LINGO2: variants seen among roughly 807,000 people sequenced by gnomAD.
LINGO2 encodes leucine rich repeat and Ig domain containing 2.
LINGO2 carries 14 observed loss-of-function variants against 30.6 expected under a neutral mutation model. The ratio of observed to expected loss-of-function variants is 0.46; its 90% CI spans 0.30 to 0.72. The LOEUF is 0.72. Ranked by LOEUF, LINGO2 falls within the 30% of genes least tolerant of loss-of-function variation. The pLI is 0.07. For missense variants in LINGO2, 729 were observed against 751.7 expected (o/e 0.97, Z 0.35); for synonymous variants, 317 against 288.5 (o/e 1.10, Z -1.00).
chr9:28,727,359 C>T, the LINGO2 span, among the ~76,000 whole-genome samples: 6 of 151,970 alleles, frequency 3.9e-5, no homozygotes, highest in Non-Finnish European at 7.4e-5. Flanking sequence ...GATCTCAGCT[C>T]ACTGCAAGCT....
the LINGO2 span, among the ~76,000 whole-genome samples, chr9:29,074,915 A>T: frequency 6.6e-6 from 1 of 151,556 alleles, no homozygotes; most frequent in Non-Finnish European, 1.5e-5. Flanking sequence ...TGACCTCGTG[A>T]TCCGCCCGCC....
At chr9:28,322,295 A>G (rs1176977552) in intron 3 of LINGO2, among the ~76,000 whole-genome samples, 1 of 152,152 alleles carries the variant, frequency 6.6e-6, no homozygotes, top group Non-Finnish European at 1.5e-5. Flanking sequence ...CCAAGCTAAA[A>G]TTAATCAATG....
intron 1 of LINGO2, among the ~76,000 whole-genome samples, chr9:28,593,915 G>A (rs1825049196): frequency 6.6e-6 from 1 of 151,954 alleles, no homozygotes; most frequent in Admixed American, 6.6e-5. Flanking sequence ...TTAAATTGTA[G>A]GAGAATATGA....
intron 4 of LINGO2, among the ~76,000 whole-genome samples, chr9:28,100,622 C>T (rs1826386312): frequency 6.6e-6 from 1 of 152,098 alleles, no homozygotes; most frequent in South Asian, 2.1e-4. Context: ...ACTATCCAGG[C>T]TTGTTTGTGG....
chr9:28,204,971 C>A (rs747299801), intron 4 of LINGO2, among the ~76,000 whole-genome samples: 16 of 152,086 alleles, frequency 1.1e-4, no homozygotes, highest in Non-Finnish European at 2.2e-4. Context: ...TTGGCCTCTG[C>A]CTAATTTTGT....
At chr9:28,221,426 T>C (rs1209921421) in intron 4 of LINGO2, among the ~76,000 whole-genome samples, 1 of 151,674 alleles carries the variant, frequency 6.6e-6, no homozygotes, top group Non-Finnish European at 1.5e-5. Context: ...GTATGTATAC[T>C]TCAAATCATC....
the LINGO2 span, among the ~76,000 whole-genome samples, chr9:28,791,960 A>C: frequency 6.6e-6 from 1 of 151,566 alleles, no homozygotes; most frequent in Non-Finnish European, 1.5e-5. Flanking sequence ...TTATCATATA[A>C]TTATGTTCTC....
intron 4 of LINGO2, among the ~76,000 whole-genome samples, chr9:28,013,769 G>C (rs1822678800): frequency 1.3e-5 from 2 of 152,030 alleles, no homozygotes; most frequent in South Asian, 4.2e-4. Flanking sequence ...CTTTCAACTT[G>C]GAGTTGGAAA....
rs118000064 is a variant in LINGO2, at chr9:27,981,805, A to G, written c.-36+30550T>C. 1.8e-4 allele frequency among the ~76,000 whole-genome samples: 27 copies of G among 151,834 alleles called. No individual in the cohort carries two copies. In the East Asian group the frequency reaches 4.3e-3, roughly 24 times the overall value. ...ATTGGTCCCTTGGTTTTTAGAAGCTATAATGCAAATACAATAGTAGTTTGA... is the reference window on the plus strand; with the variant it reads ...ATTGGTCCCTTGGTTTTTAGAAGCTGTAATGCAAATACAATAGTAGTTTGA... On this transcript the variant is annotated intron_variant, in intron 5 of 5. Transcript: ENST00000379992.
intron 1 of LINGO2, among the ~76,000 whole-genome samples, chr9:28,600,525 A>G (rs1825416036): frequency 6.6e-6 from 1 of 152,154 alleles, no homozygotes. Context: ...CTTTGGTCAC[A>G]TGGATGCCAC....
chr9:28,312,033 C>A (rs1824642271), intron 3 of LINGO2, among the ~76,000 whole-genome samples: 5 of 152,156 alleles, frequency 3.3e-5, no homozygotes, highest in Admixed American at 3.3e-4. Flanking sequence ...GCCAGTCCCT[C>A]CGTTCGGGGT....
chr9:27,945,854 T>A (rs1442684357), downstream of LINGO2, among the ~76,000 whole-genome samples: 2 of 152,126 alleles, frequency 1.3e-5, no homozygotes, highest in East Asian at 3.9e-4. Context: ...GTCTATTCAA[T>A]TACCTCTTAA....
At chr9:28,442,091 C>T (rs951079520) in intron 2 of LINGO2, among the ~76,000 whole-genome samples, 11 of 151,052 alleles carry the variant, frequency 7.3e-5, no homozygotes, top group South Asian at 2.1e-4. Context: ...CCTGTGATCT[C>T]GGAGGGATTT....
chr9:28,807,483 A>AT, the LINGO2 span, among the ~76,000 whole-genome samples: 1 of 152,196 alleles, frequency 6.6e-6, no homozygotes, highest in Admixed American at 6.5e-5. Context: ...TAGTAACTGA[A>AT]TTAAGCCTCT....
At chr9:28,806,094 T>C in the LINGO2 span, among the ~76,000 whole-genome samples, 1 of 149,892 alleles carries the variant, frequency 6.7e-6, no homozygotes, top group African/African-American at 2.4e-5. Flanking sequence ...ATCTTCCATT[T>C]GGTCCAGGTG....
At chr9:28,887,735 T>G in the LINGO2 span, among the ~76,000 whole-genome samples, 3 of 152,068 alleles carry the variant, frequency 2.0e-5, no homozygotes, top group Non-Finnish European at 4.4e-5. Flanking sequence ...AATCCTAGAT[T>G]GTGAAAGAGA....
chr9:28,199,470 C>T (rs1820147389), intron 4 of LINGO2, among the ~76,000 whole-genome samples: 2 of 152,080 alleles, frequency 1.3e-5, no homozygotes, highest in South Asian at 2.1e-4. Flanking sequence ...TCCCGAGTAG[C>T]TGGGACTACA....
chr9:27,969,470 A>G (rs1041449298), intron 5 of LINGO2, among the ~76,000 whole-genome samples: 7 of 152,182 alleles, frequency 4.6e-5, no homozygotes, highest in Non-Finnish European at 1.0e-4. Flanking sequence ...AATATTTGGA[A>G]ATAATGATAA....
At chr9:28,453,087 A>G (rs1824711571) in intron 2 of LINGO2, among the ~76,000 whole-genome samples, 1 of 151,974 alleles carries the variant, frequency 6.6e-6, no homozygotes, top group African/African-American at 2.4e-5. Flanking sequence ...ATAAGAACTG[A>G]AATGGCAATA....
Sources: allele counts gnomAD v4.1 joint callset (sites outside exome capture counted in the v4.1 genomes callset), GRCh38; gene constraint gnomAD v4.1.1; transcripts MANE v1.5; gene names NCBI Gene and HGNC (gene_info 2026-07-23, HGNC 2026-07-21).